Variants in PHLPP1 observed in about 807,000 individuals in gnomAD.
PHLPP1 encodes PH domain leucine-rich repeat-containing protein phosphatase 1.
In PHLPP1, 42 loss-of-function variants were observed where a neutral mutation model predicts 117.2. The ratio of observed to expected loss-of-function variants is 0.36; its 90% confidence interval spans 0.28 to 0.46. The LOEUF is 0.46. Among genes scored for constraint, PHLPP1 ranks in the 20% least tolerant of loss-of-function variants. PHLPP1 has a pLI of 1.00. For synonymous variants in PHLPP1, 1,042 were observed against 970.7 expected, an observed-to-expected ratio of 1.07 and a Z score of -1.37; for missense variants, 2,084 against 2,241.9, an observed-to-expected ratio of 0.93 and a Z score of 1.42.
intron 1 of PHLPP1, among the ~76,000 whole-genome samples, chr18:62,818,472 G>C (rs1914355487): frequency 6.6e-6 from 1 of 152,126 alleles, no homozygotes; most frequent in South Asian, 2.1e-4. Context: ...AGGTTACAGT[G>C]AGCCAAGATT....
intron 1 of PHLPP1, among the ~76,000 whole-genome samples, chr18:62,823,383 G>T (rs1914521242): frequency 6.6e-6 from 1 of 151,820 alleles, no homozygotes; most frequent in Non-Finnish European, 1.5e-5. Context: ...GGGCAACATA[G>T]CGACCCTGTC....
intron 4 of PHLPP1, among the ~76,000 whole-genome samples, chr18:62,892,339 T>G (rs964125492): frequency 2.6e-5 from 4 of 152,002 alleles, no homozygotes; most frequent in Non-Finnish European, 5.9e-5. Flanking sequence ...TCCACCGGCC[T>G]CAGCCTCCCG....
chr18:62,771,056 A>G (rs1361224861), intron 1 of PHLPP1, among the ~76,000 whole-genome samples: 1 of 152,062 alleles, frequency 6.6e-6, no homozygotes. Flanking sequence ...TATACTAAAA[A>G]TACAAAAATG....
At chr18:62,937,693 T>G (rs755605334) in intron 10 of PHLPP1, among the ~76,000 whole-genome samples, 1 of 152,116 alleles carries the variant, frequency 6.6e-6, no homozygotes, top group Non-Finnish European at 1.5e-5. Context: ...GTTATATCTC[T>G]GGGGTGATGG....
chr18:62,828,497 C>T (rs1189940044), intron 1 of PHLPP1, among the ~76,000 whole-genome samples: 3 of 152,174 alleles, frequency 2.0e-5, no homozygotes, highest in Non-Finnish European at 4.4e-5. Context: ...TATACTTCAT[C>T]CTGGCCCAGC....
rs549389866 is a variant in PHLPP1, at chr18:62,738,897, G to T, written c.1576+21638G>T. Among the ~76,000 whole-genome samples the T allele has an allele frequency of 2.6e-5, 4 of 152,300 alleles. No homozygotes were observed. In the East Asian group the frequency reaches 7.7e-4, roughly 29 times the overall value. On this transcript the variant is annotated intron_variant, in intron 1 of 16. Coordinates refer to ENST00000262719, the MANE Select transcript of PHLPP1 (RefSeq NM_194449.4). ...CCTGCATGTTGGTAACTAGGGATAT[G>T]GTGTGAACTAGACCAACAACATTTT... is the stretch of plus-strand genomic sequence containing the variant.
At chr18:62,946,636 T>TG (rs1224931066) in intron 12 of PHLPP1, among the ~76,000 whole-genome samples, 2 of 151,932 alleles carry the variant, frequency 1.3e-5, no homozygotes, top group African/African-American at 4.9e-5. Flanking sequence ...CAAGCCATTT[T>TG]GTTTGTGTGT....
intron 12 of PHLPP1, among the ~76,000 whole-genome samples, chr18:62,954,887 C>T (rs1255935958): frequency 6.6e-6 from 1 of 152,160 alleles, no homozygotes; most frequent in Non-Finnish European, 1.5e-5. Flanking sequence ...TTGTCATGTG[C>T]CAGGCAATCA....
chr18:62,919,173 A>T (rs1336456139), intron 9 of PHLPP1, among the ~76,000 whole-genome samples: 2 of 152,158 alleles, frequency 1.3e-5, no homozygotes, highest in African/African-American at 4.8e-5. Flanking sequence ...CACCCCCCAG[A>T]TGTCTGTTTA....
At chr18:62,879,962 G>A (rs569219523) in intron 4 of PHLPP1, among the ~76,000 whole-genome samples, 2 of 151,728 alleles carry the variant, frequency 1.3e-5, no homozygotes, top group African/African-American at 4.8e-5. Context: ...AACACTCATG[G>A]TACTTCCTCC....
intron 1 of PHLPP1, among the ~76,000 whole-genome samples, chr18:62,822,286 G>C (rs61001974): frequency 7.5e-6 from 1 of 133,120 alleles, no homozygotes; most frequent in African/African-American, 2.7e-5. Flanking sequence ...TTTTGTTTTT[G>C]TTTTTTTTTT....
chr18:62,787,718 T>G (rs1913335580), intron 1 of PHLPP1, among the ~76,000 whole-genome samples: 1 of 152,236 alleles, frequency 6.6e-6, no homozygotes, highest in African/African-American at 2.4e-5. Context: ...TTACTTTGCC[T>G]TCATATTTCA....
In PHLPP1 at chr18:62,723,959, T is replaced by G. The variant is rs563752431; in HGVS notation, c.1576+6700T>G. 2.6e-5 allele frequency among the ~76,000 whole-genome samples: 4 copies of G among 152,292 alleles called. No individual in the cohort carries two copies. In the South Asian group the frequency reaches 8.3e-4, roughly 32 times the overall value. On this transcript the variant is annotated intron_variant, in intron 1 of 16. Transcript: ENST00000262719. ...AGAGCCTGTTTTTTTTGAAGGGCTT[T>G]GAAAGTTGTAGTTGTTTTAAGTTCT...
At chr18:62,901,914 C>T (rs980685708) in intron 6 of PHLPP1, among the ~76,000 whole-genome samples, 4 of 152,114 alleles carry the variant, frequency 2.6e-5, no homozygotes, top group African/African-American at 9.7e-5. Flanking sequence ...AGGTGTGAGC[C>T]ATCGCACCCA....
intron 1 of PHLPP1, among the ~76,000 whole-genome samples, chr18:62,730,660 A>G (rs956988899): frequency 6.6e-6 from 1 of 152,044 alleles, no homozygotes; most frequent in Non-Finnish European, 1.5e-5. Context: ...TGTCACTACT[A>G]AAAATACAAA....
chr18:62,760,483 A>T (rs1453325386), intron 1 of PHLPP1, among the ~76,000 whole-genome samples: 1 of 152,174 alleles, frequency 6.6e-6, no homozygotes, highest in Admixed American at 6.5e-5. Context: ...TGGGGAAAGC[A>T]ATGTGTGGTT....
intron 4 of PHLPP1, among the ~76,000 whole-genome samples, chr18:62,878,334 C>T (rs868713505): frequency 2.0e-5 from 3 of 152,090 alleles, no homozygotes; most frequent in Admixed American, 6.6e-5. Context: ...CTTTGGTTGC[C>T]GGTATGAGAA....
intron 1 of PHLPP1, among the ~76,000 whole-genome samples, chr18:62,802,716 A>T (rs1797779402): frequency 6.6e-6 from 1 of 152,168 alleles, no homozygotes; most frequent in Non-Finnish European, 1.5e-5. Flanking sequence ...AACACCGAGA[A>T]TGTATAAATG....
chr18:62,782,206 T>A (rs934894490), intron 1 of PHLPP1, among the ~76,000 whole-genome samples: 1 of 152,238 alleles, frequency 6.6e-6, no homozygotes. Context: ...AACTGGAGGA[T>A]GTCTGCCAAG....
Sources: allele counts gnomAD v4.1 joint callset (sites outside exome capture counted in the v4.1 genomes callset), GRCh38; gene constraint gnomAD v4.1.1; transcripts MANE v1.5; gene names NCBI Gene and HGNC (gene_info 2026-07-23, HGNC 2026-07-21).